DOCK7: variants seen among roughly 807,000 people sequenced by gnomAD.
The protein encoded by DOCK7 is dedicator of cytokinesis protein 7.
In DOCK7, 138 loss-of-function variants were observed where a neutral mutation model predicts 271.0. The observed-to-expected ratio is 0.51, with a 90% confidence interval of 0.44 to 0.59. The LOEUF is 0.59. Among genes scored for constraint, DOCK7 ranks in the 20% least tolerant of loss-of-function variants. DOCK7 has a pLI of 0.00. For missense variants in DOCK7, 2,066 were observed against 2,592.4 expected, an observed-to-expected ratio of 0.80 and a Z score of 4.41; for synonymous variants, 823 against 876.1, an observed-to-expected ratio of 0.94 and a Z score of 1.07.
At chr1:62,660,718 A>G (rs1347528847) in intron 2 of DOCK7, among the ~76,000 whole-genome samples, 1 of 152,242 alleles carries the variant, frequency 6.6e-6, no homozygotes, top group African/African-American at 2.4e-5. Context: ...ACAATAGCCA[A>G]AAGTTTGCAA....
At chr1:62,666,595 A>C (rs1005070999) in intron 1 of DOCK7, among the ~76,000 whole-genome samples, 1 of 152,224 alleles carries the variant, frequency 6.6e-6, no homozygotes, top group Non-Finnish European at 1.5e-5. Flanking sequence ...TTCCCAAATA[A>C]AAAAACTCTA....
At chr1:62,574,070 C>T (rs1336242391) in intron 18 of DOCK7, among the ~76,000 whole-genome samples, 1 of 152,100 alleles carries the variant, frequency 6.6e-6, no homozygotes, top group Non-Finnish European at 1.5e-5. Context: ...TGCCACTGGC[C>T]ACCCAGAACC....
At chr1:62,465,087 C>T (rs893049403) in intron 48 of DOCK7, among the ~76,000 whole-genome samples, 1 of 152,080 alleles carries the variant, frequency 6.6e-6, no homozygotes, top group Non-Finnish European at 1.5e-5. Flanking sequence ...TAAGTCACAA[C>T]TGAAAAAAAC....
chr1:62,611,031 G>A (rs1254604969), intron 14 of DOCK7, among the ~76,000 whole-genome samples: 2 of 152,130 alleles, frequency 1.3e-5, no homozygotes, highest in Non-Finnish European at 2.9e-5. Flanking sequence ...TTGAGGAATC[G>A]CCACACTGTC....
At chr1:62,676,193 C>T (rs890003004) in intron 1 of DOCK7, among the ~76,000 whole-genome samples, 1 of 152,138 alleles carries the variant, frequency 6.6e-6, no homozygotes, top group Non-Finnish European at 1.5e-5. Flanking sequence ...GAATATTAGT[C>T]AGCCATAAAA....
chr1:62,551,752 T>C (rs764899762), intron 22 of DOCK7, among the ~76,000 whole-genome samples: 1 of 151,846 alleles, frequency 6.6e-6, no homozygotes, highest in Non-Finnish European at 1.5e-5. Flanking sequence ...CAAATTCTCA[T>C]CTTGCAATGG....
chr1:62,474,133 A>G, intron 47 of DOCK7, 45 bp from the exon 48 acceptor site: 2 of 1,502,820 alleles, frequency 1.3e-6, no homozygotes, highest in Non-Finnish European at 1.8e-6. Context: ...GTTATCTCTA[A>G]AATCACAGAG....
chr1:62,555,875 A>C lies in DOCK7; in HGVS notation c.2546T>G (p.Ile849Ser). The C allele has an allele frequency of 6.2e-7, 1 of 1,613,876 alleles. No homozygotes were observed. Among genetic ancestry groups the C allele is most frequent in the Non-Finnish European group, 8.5e-7 (1 of 1,179,922 alleles). ...ATTTGGTAGGCGGAAAACATAATGA[A>C]TATATGATGCAAGAAGGCTGTTTCT... ...HGRNSLLASYIHYVFRLPNTY... is the reference protein window; with the variant it reads ...HGRNSLLASYSHYVFRLPNTY... The change falls in exon 21 of 50, where the codon ATT becomes AGT. Residue 849 changes from isoleucine to serine, a missense_variant. This residue lies in a region of DOCK7 where 1,414 missense variants were observed against 1,670.4 expected (regional missense o/e 0.85). Coordinates refer to ENST00000635253, the MANE Select transcript of DOCK7 (RefSeq NM_001367561.1).
intron 48 of DOCK7, 131 bp downstream of exon 48, chr1:62,473,851 C>T (rs1293116577): frequency 1.7e-6 from 1 of 590,684 alleles, no homozygotes; most frequent in Non-Finnish European, 2.9e-6. Context: ...TCCCAAAGTG[C>T]TGAGATTGCA....
intron 25 of DOCK7, among the ~76,000 whole-genome samples, chr1:62,540,121 G>T (rs1645480838): frequency 1.3e-5 from 2 of 149,948 alleles, no homozygotes; most frequent in Admixed American, 1.3e-4. Context: ...CTAACAATAG[G>T]ACAAAAAAAT....
intron 7 of DOCK7, among the ~76,000 whole-genome samples, chr1:62,642,312 T>A (rs1255441104): frequency 6.6e-6 from 1 of 152,126 alleles, no homozygotes; most frequent in Admixed American, 6.5e-5. Flanking sequence ...TTTTACCATG[T>A]TGTCCAGGCT....
chr1:62,599,381 T>C (rs948268160), intron 14 of DOCK7, among the ~76,000 whole-genome samples: 1 of 151,996 alleles, frequency 6.6e-6, no homozygotes, highest in Non-Finnish European at 1.5e-5. Context: ...ACTCTCTGAT[T>C]TCCCTTAGGG....
chr1:62,519,535 A>T (rs1358203791), intron 31 of DOCK7, among the ~76,000 whole-genome samples: 5 of 152,190 alleles, frequency 3.3e-5, no homozygotes, highest in Admixed American at 3.3e-4. Context: ...AATCATAATG[A>T]ACTTCAGAGT....
chr1:62,595,597 G>A (rs1032718825), intron 14 of DOCK7, among the ~76,000 whole-genome samples: 12 of 152,078 alleles, frequency 7.9e-5, no homozygotes, highest in Non-Finnish European at 1.6e-4. Context: ...TCAAAAGGAA[G>A]AGCCTCTATT....
chr1:62,648,563 T>TG lies in DOCK7; in HGVS notation c.390-20_390-19insC, dbSNP rs1656957444. The TG allele has an allele frequency of 9.2e-6, 11 of 1,200,598 alleles. No homozygotes were observed. The highest frequency in any genetic ancestry group is 1.2e-5 in the Non-Finnish European group (11 of 906,654). 74.4% of individuals were successfully genotyped at this position (1,200,598 alleles called of 1,614,324 possible). ...ATGATATCTATTAAAGAAAAAAAGT[T>TG]AAATAAATATCAACTATCAAACTTA... is the stretch of plus-strand genomic sequence containing the variant. On this transcript the variant is annotated intron_variant, in intron 4 of 49. Transcript: ENST00000635253.
At chr1:62,513,922 G>A in intron 31 of DOCK7, 24 bp from the exon 32 acceptor site, 2 of 1,582,392 alleles carry the variant, frequency 1.3e-6, no homozygotes, top group Non-Finnish European at 1.7e-6. Flanking sequence ...GCAGTAGAAT[G>A]AGACAGATTG....
chr1:62,522,290 G>C (rs896926018), intron 31 of DOCK7, among the ~76,000 whole-genome samples: 1 of 152,030 alleles, frequency 6.6e-6, no homozygotes, highest in African/African-American at 2.4e-5. Flanking sequence ...AGGAACATAC[G>C]TATACAAATC....
intron 1 of DOCK7, among the ~76,000 whole-genome samples, chr1:62,687,157 GTAATT>G (rs111615209): frequency 9.5e-4 from 145 of 152,326 alleles, no homozygotes; most frequent in African/African-American, 3.3e-3. Context: ...ACAAAAAAAG[GTAATT>G]TAATATGAAT....
Position 62,647,765 on chromosome 1 carries a change from T to C in DOCK7, c.744A>G (p.Ile248Met), listed in dbSNP as rs1656852178. The stretch of plus-strand genomic sequence containing the variant: ...GTATATCAGGAACACTAAGCCGTTC[T>C]ATTGGTTCTTCCTACAAATTGAAAA... ...LHPSPDEEEPIERLSVPDIPK... is the reference protein window; with the variant it reads ...LHPSPDEEEPMERLSVPDIPK... The change falls in exon 7 of 50, where the codon ATA becomes ATG. Residue 248 changes from isoleucine to methionine, a missense_variant. Transcript: ENST00000635253. 1.2e-6 allele frequency: 2 copies of C among 1,604,806 alleles called. No individual in the cohort carries two copies. The highest frequency in any genetic ancestry group is 4.5e-5 in the East Asian group (2 of 44,662).
Sources: allele counts gnomAD v4.1 joint callset (sites outside exome capture counted in the v4.1 genomes callset), GRCh38; gene constraint gnomAD v4.1.1; regional missense constraint gnomAD v4.1.1; transcripts MANE v1.5; gene names NCBI Gene and HGNC (gene_info 2026-07-23, HGNC 2026-07-21).